KCNMA1: variants seen among roughly 807,000 people sequenced by gnomAD.
KCNMA1 encodes potassium calcium-activated channel subfamily M alpha 1.
Under a neutral mutation model 140.0 loss-of-function variants are expected in KCNMA1, and 29 were observed. That is an observed-to-expected ratio of 0.21 (90% CI 0.15 to 0.28). The LOEUF is 0.28. KCNMA1 is among the 10% of genes least tolerant of loss of function. KCNMA1 has a pLI of 1.00. For synonymous variants in KCNMA1, 612 were observed against 611.9 expected, an observed-to-expected ratio of 1.00 and a Z score of 0.00; for missense variants, 880 against 1,602.2, an observed-to-expected ratio of 0.55 and a Z score of 7.70.
At chr10:76,890,190 C>T (rs2039307566) in intron 26 of KCNMA1, among the ~76,000 whole-genome samples, 1 of 152,190 alleles carries the variant, frequency 6.6e-6, no homozygotes, top group African/African-American at 2.4e-5. Flanking sequence ...CAGTTCTGAT[C>T]AGTTCACAGC....
chr10:77,424,534 A>AT (rs3997979), intron 1 of KCNMA1, among the ~76,000 whole-genome samples: 3 of 151,920 alleles, frequency 2.0e-5, no homozygotes, highest in Non-Finnish European at 2.9e-5. Flanking sequence ...TCATTCATTC[A>AT]ACAATTCACC....
intron 2 of KCNMA1, among the ~76,000 whole-genome samples, chr10:77,366,228 G>A (rs1209061208): frequency 6.6e-6 from 1 of 151,428 alleles, no homozygotes. Context: ...GAGTGCAATG[G>A]CACGATCTCA....
At chr10:77,219,723 A>G (rs141652951) in intron 3 of KCNMA1, among the ~76,000 whole-genome samples, 1,767 of 152,102 alleles carry the variant, frequency 0.012, 46 homozygotes, top group African/African-American at 0.04. Flanking sequence ...GGGTTCAAGC[A>G]ATTCTCTTGC....
downstream of KCNMA1, chr10:76,874,525 G>A (rs1393951971): frequency 6.6e-6 from 1 of 152,172 alleles, no homozygotes; most frequent in Admixed American, 6.5e-5. Context: ...TGTAAATGTG[G>A]CTCTTGCACC....
chr10:77,215,068 C>T (rs772276894), intron 3 of KCNMA1, among the ~76,000 whole-genome samples: 1 of 152,124 alleles, frequency 6.6e-6, no homozygotes, highest in Non-Finnish European at 1.5e-5. Flanking sequence ...TTAAACTGAA[C>T]ATATCCAAGA....
intron 2 of KCNMA1, among the ~76,000 whole-genome samples, chr10:77,272,085 T>C (rs1249766503): frequency 1.3e-5 from 2 of 152,210 alleles, no homozygotes; most frequent in African/African-American, 4.8e-5. Context: ...AGCACTGGCC[T>C]GTCCCCTCAC....
intron 18 of KCNMA1, among the ~76,000 whole-genome samples, chr10:77,009,089 C>T (rs1208182633): frequency 6.6e-6 from 1 of 152,070 alleles, no homozygotes; most frequent in Admixed American, 6.6e-5. Context: ...GTTACATAGC[C>T]AAAGGCCTTT....
rs550941077 is a variant in KCNMA1, at chr10:77,110,728, C to T, written c.961-385G>A. Among the ~76,000 whole-genome samples, 4 of 152,374 alleles carry T rather than the reference C, an allele frequency of 2.6e-5. No homozygotes were observed. The South Asian group carries it at 8.3e-4, about 32-fold the overall frequency. ...AGCCAGAGATTCCGTCCCTGACCTT[C>T]CTCAATGGGTTTCTAAGGCCCAGAT... On this transcript the variant is annotated intron_variant, in intron 7 of 27. Transcript: ENST00000286628.
At chr10:77,430,676 G>A (rs1005162910) in intron 1 of KCNMA1, among the ~76,000 whole-genome samples, 6 of 152,212 alleles carry the variant, frequency 3.9e-5, no homozygotes, top group African/African-American at 1.4e-4. Flanking sequence ...GGACCTCACA[G>A]TGGTCATAAC....
intron 5 of KCNMA1, among the ~76,000 whole-genome samples, chr10:77,155,195 T>C (rs1388822226): frequency 6.6e-6 from 1 of 152,004 alleles, no homozygotes; most frequent in Non-Finnish European, 1.5e-5. Context: ...TGAAAAAGGG[T>C]TGACATTTTA....
intron 2 of KCNMA1, 138 bp from the exon 3 acceptor site, chr10:77,251,394 C>T (rs2059636512): frequency 1.4e-6 from 1 of 720,272 alleles, no homozygotes; most frequent in South Asian, 1.5e-5. Flanking sequence ...ACCCTCATCC[C>T]CAGCCCCCCA....
At chr10:76,949,883 G>A (rs1204332833) in intron 21 of KCNMA1, among the ~76,000 whole-genome samples, 1 of 152,106 alleles carries the variant, frequency 6.6e-6, no homozygotes, top group East Asian at 1.9e-4. Context: ...TGCATCAGCA[G>A]GTGGAACATG....
intron 25 of KCNMA1, among the ~76,000 whole-genome samples, chr10:76,900,312 T>G (rs1353592077): frequency 2.0e-5 from 3 of 152,080 alleles, no homozygotes; most frequent in Non-Finnish European, 4.4e-5. Context: ...CATAAAGTAT[T>G]ACAAAAAGTA....
chr10:77,233,344 A>G (rs1454117276), intron 3 of KCNMA1, among the ~76,000 whole-genome samples: 1 of 152,190 alleles, frequency 6.6e-6, no homozygotes, highest in African/African-American at 2.4e-5. Context: ...ACTTGGGGCC[A>G]TATACTTCCA....
chr10:77,219,897 G>A (rs541260742), intron 3 of KCNMA1, among the ~76,000 whole-genome samples: 1 of 152,334 alleles, frequency 6.6e-6, no homozygotes, highest in African/African-American at 2.4e-5. Context: ...GAGCAGTCAT[G>A]CTCTGCCCAG....
intron 5 of KCNMA1, among the ~76,000 whole-genome samples, chr10:77,130,606 T>A (rs765437564): frequency 7.9e-5 from 12 of 152,142 alleles, no homozygotes; most frequent in Non-Finnish European, 1.8e-4. Context: ...TAGTTAAACA[T>A]AGCAGATGGA....
At chr10:77,375,270 A>G (rs1477375121) in intron 2 of KCNMA1, among the ~76,000 whole-genome samples, 1 of 152,148 alleles carries the variant, frequency 6.6e-6, no homozygotes, top group Non-Finnish European at 1.5e-5. Flanking sequence ...TCTGCCTTCA[A>G]TCTCAAAGGC....
At chr10:77,508,581 C>CTTTTTTT (rs761735012) in intron 1 of KCNMA1, among the ~76,000 whole-genome samples, 358 of 99,812 alleles carry the variant, frequency 3.6e-3, no homozygotes, top group African/African-American at 9.3e-3. Context: ...TTTTTCTTTT[C>CTTTTTTT]TTTTTTTTTT....
At chr10:76,976,293 C>G (rs1252589685) in intron 19 of KCNMA1, among the ~76,000 whole-genome samples, 1 of 152,016 alleles carries the variant, frequency 6.6e-6, no homozygotes, top group Non-Finnish European at 1.5e-5. Flanking sequence ...GGGAGGGAGA[C>G]TTTAAGGAAC....
Sources: allele counts gnomAD v4.1 joint callset (sites outside exome capture counted in the v4.1 genomes callset), GRCh38; gene constraint gnomAD v4.1.1; transcripts MANE v1.5; gene names NCBI Gene and HGNC (gene_info 2026-07-23, HGNC 2026-07-21).